Variants in ADGRV1 observed in about 807,000 individuals in gnomAD.
ADGRV1 encodes adhesion G protein-coupled receptor V1, also known as G-protein coupled receptor 98.
In ADGRV1, 359 loss-of-function variants were observed where a neutral mutation model predicts 596.2. The observed-to-expected ratio is 0.60, with a 90% CI of 0.55 to 0.66. The LOEUF (loss-of-function observed/expected upper bound fraction) is 0.66, where lower values mean the gene tolerates loss of function less well. ADGRV1 is among the 30% of genes least tolerant of loss of function. ADGRV1 has a pLI of 0.00. For synonymous variants in ADGRV1, 2,681 were observed against 2,679.2 expected (o/e 1.00, Z -0.02); for missense variants, 7,274 against 7,575.6 (o/e 0.96, Z 1.48).
intron 11 of ADGRV1, among the ~76,000 whole-genome samples, 193 bp downstream of exon 11, chr5:90,638,141 T>A (rs1197609782): frequency 6.6e-6 from 1 of 152,068 alleles, no homozygotes; most frequent in African/African-American, 2.4e-5. Context: ...AATTATATCT[T>A]TCAGTGAATT....
At chr5:91,086,892 G>A (rs888329971) in intron 86 of ADGRV1, among the ~76,000 whole-genome samples, 8 of 152,116 alleles carry the variant, frequency 5.3e-5, no homozygotes, top group African/African-American at 1.9e-4. Flanking sequence ...CCATTTTTCT[G>A]TAAAGTAATT....
At chr5:90,716,421 A>T in intron 42 of ADGRV1, 46 bp from the exon 43 acceptor site, 2 of 1,365,912 alleles carry the variant, frequency 1.5e-6, no homozygotes, top group Non-Finnish European at 2.0e-6. Flanking sequence ...AGCATTTATA[A>T]CCTCTTCTAT....
intron 85 of ADGRV1, among the ~76,000 whole-genome samples, chr5:91,064,158 G>A (rs543908598): frequency 2.8e-4 from 43 of 152,268 alleles, no homozygotes; most frequent in African/African-American, 9.1e-4. Context: ...AAATCAATAA[G>A]CATTTCTTAA....
intron 83 of ADGRV1, among the ~76,000 whole-genome samples, chr5:90,883,149 A>G (rs1769953932): frequency 6.6e-6 from 1 of 152,190 alleles, no homozygotes; most frequent in Non-Finnish European, 1.5e-5. Flanking sequence ...CAAAGACACA[A>G]CTGTGAAGAA....
At chr5:90,726,407 T>A (rs1751786524) in intron 48 of ADGRV1, among the ~76,000 whole-genome samples, 2 of 152,220 alleles carry the variant, frequency 1.3e-5, no homozygotes, top group Non-Finnish European at 2.9e-5. Context: ...CATTCCCTTC[T>A]AGTTTTCATT....
At chr5:90,813,167 T>A (rs2438376) in intron 74 of ADGRV1, among the ~76,000 whole-genome samples, 101,163 of 104,260 alleles carry the variant, frequency 0.97, 49,179 homozygotes, top group Non-Finnish European at 1. Context: ...AAAAAAAATT[T>A]ATTTGGCAGT....
At chr5:90,931,169 T>C (rs962450846) in intron 83 of ADGRV1, 2 of 152,164 alleles carry the variant, frequency 1.3e-5, no homozygotes, top group Admixed American at 6.5e-5. Flanking sequence ...TCCGACAGAA[T>C]GTCGTGTATG....
At chr5:90,678,834 G>A (rs892233628) in intron 25 of ADGRV1, among the ~76,000 whole-genome samples, 9 of 151,826 alleles carry the variant, frequency 5.9e-5, no homozygotes, top group Non-Finnish European at 1.2e-4. Context: ...TTGCATTTGC[G>A]ATTAAATTTC....
At chr5:91,105,252 G>A (rs1026992250) in intron 87 of ADGRV1, among the ~76,000 whole-genome samples, 1 of 152,132 alleles carries the variant, frequency 6.6e-6, no homozygotes, top group African/African-American at 2.4e-5. Flanking sequence ...TGGACACCTA[G>A]GTTGATTCCA....
intron 70 of ADGRV1, chr5:90,791,829 C>G (rs1365587133): frequency 6.5e-6 from 1 of 154,768 alleles, no homozygotes; most frequent in Non-Finnish European, 1.4e-5. Context: ...ATGATATTCT[C>G]TAATGGTAAT....
At chr5:90,621,246 T>A (rs1157543053) in intron 4 of ADGRV1, among the ~76,000 whole-genome samples, 2 of 152,234 alleles carry the variant, frequency 1.3e-5, no homozygotes, top group Non-Finnish European at 2.9e-5. Context: ...TTTTCATTTA[T>A]TTTTAGATTG....
chr5:90,981,610 G>T (rs751800362), intron 84 of ADGRV1, among the ~76,000 whole-genome samples: 2 of 152,158 alleles, frequency 1.3e-5, no homozygotes, highest in African/African-American at 2.4e-5. Context: ...CCCTGTGATG[G>T]GATGACATCC....
intron 1 of ADGRV1, among the ~76,000 whole-genome samples, chr5:90,571,600 G>A (rs1437869265): frequency 1.3e-5 from 2 of 152,040 alleles, no homozygotes; most frequent in African/African-American, 4.8e-5. Context: ...TAAGGAAAAG[G>A]CTTTCAAATA....
chr5:90,640,342 A>G (rs185972793), intron 11 of ADGRV1, among the ~76,000 whole-genome samples: 52 of 152,370 alleles, frequency 3.4e-4, no homozygotes, highest in Admixed American at 1.8e-3. Flanking sequence ...TGCAAATGAT[A>G]TAGGTATAGA....
At position 90,622,699 on chromosome 5, in the gene ADGRV1, G is replaced by T; in HGVS notation, c.556G>T (p.Glu186Ter). 1 of 1,415,442 alleles carries T rather than the reference G, an allele frequency of 7.1e-7. No homozygotes were observed. The highest frequency in any genetic ancestry group is 1.4e-5 in the South Asian group (1 of 70,418). The allele number at this position is 1,415,442 out of a possible 1,614,324, so 87.7% of individuals were successfully genotyped here. A position where few individuals can be genotyped will look rare whatever the true frequency, so the allele number is the denominator to read the frequency against. Residue 186 changes from glutamate (E) to a stop codon, truncating the protein, a stop_gained and splice_region_variant, in exon 5 of 90, where the codon GAG (glutamate) becomes TAG (stop). Transcript: ENST00000405460. LOFTEE classifies it high-confidence loss of function. ...CTATGGAATGGTCATGGTGACTTTTGAGGTAAGTTTACTCTGAAGTCATTT... is the reference window on the plus strand; with the variant it reads ...CTATGGAATGGTCATGGTGACTTTTTAGGTAAGTTTACTCTGAAGTCATTT... ...GTYGMVMVTF[E>*]VEGGPNPPDE... is the part of the protein sequence containing the mutation.
At chr5:91,093,924 T>C (rs1391301182) in intron 86 of ADGRV1, among the ~76,000 whole-genome samples, 1 of 151,188 alleles carries the variant, frequency 6.6e-6, no homozygotes. Context: ...CGATCTCTGC[T>C]CACTGCAACC....
intron 45 of ADGRV1, among the ~76,000 whole-genome samples, chr5:90,721,673 A>C (rs1399538979): frequency 6.6e-6 from 1 of 152,126 alleles, no homozygotes; most frequent in Non-Finnish European, 1.5e-5. Context: ...GAAATGAATC[A>C]AGTAAGTAAA....
At chr5:90,953,027 T>A (rs999472366) in intron 83 of ADGRV1, among the ~76,000 whole-genome samples, 1 of 152,172 alleles carries the variant, frequency 6.6e-6, no homozygotes, top group Admixed American at 6.5e-5. Context: ...GGTTCATTGG[T>A]TAGCTTGGAC....
intron 87 of ADGRV1, among the ~76,000 whole-genome samples, chr5:91,123,893 A>G (rs534670581): frequency 1.9e-4 from 29 of 152,276 alleles, no homozygotes; most frequent in African/African-American, 6.0e-4. Flanking sequence ...AGGGTGGGTG[A>G]GGTAGAGACA....
Sources: allele counts gnomAD v4.1 joint callset (sites outside exome capture counted in the v4.1 genomes callset), GRCh38; gene constraint gnomAD v4.1.1; transcripts MANE v1.5; gene names NCBI Gene and HGNC (gene_info 2026-07-23, HGNC 2026-07-21).